PTPRM: variants seen among roughly 807,000 people sequenced by gnomAD.
The protein encoded by PTPRM is receptor-type tyrosine-protein phosphatase mu.
A neutral mutation model predicts 186.7 loss-of-function variants in PTPRM; 47 were observed. The ratio of observed to expected loss-of-function variants is 0.25; its 90% CI spans 0.20 to 0.32. The LOEUF (loss-of-function observed/expected upper bound fraction) is 0.32. PTPRM is among the 10% of genes least tolerant of loss of function. PTPRM has a pLI of 1.00. For synonymous variants in PTPRM, 668 were observed against 674.9 expected (o/e 0.99, Z 0.16); for missense variants, 1,494 against 1,865.0 (o/e 0.80, Z 3.66).
chr18:8,262,960 A>T (rs1351139943), intron 19 of PTPRM, among the ~76,000 whole-genome samples: 1 of 152,364 alleles, frequency 6.6e-6, no homozygotes, highest in South Asian at 2.1e-4. Flanking sequence ...ATCATCATAT[A>T]GGATCGGGTG....
chr18:8,246,664 T>G (rs989716425), intron 15 of PTPRM, among the ~76,000 whole-genome samples: 2 of 152,180 alleles, frequency 1.3e-5, no homozygotes, highest in African/African-American at 4.8e-5. Flanking sequence ...TTTCATCCAT[T>G]GTGCTCTTTT....
At chr18:8,287,975 A>T (rs1202244463) in intron 19 of PTPRM, among the ~76,000 whole-genome samples, 1 of 152,218 alleles carries the variant, frequency 6.6e-6, no homozygotes, top group Non-Finnish European at 1.5e-5. Flanking sequence ...AGGGCACTGC[A>T]GTGAGAACAG....
chr18:8,259,612 A>T (rs887682678), intron 19 of PTPRM, among the ~76,000 whole-genome samples: 2 of 151,872 alleles, frequency 1.3e-5, no homozygotes, highest in Non-Finnish European at 2.9e-5. Context: ...TTAAGAAAAA[A>T]TTATTATTAA....
chr18:8,296,864 G>T lies in PTPRM; in HGVS notation c.2842+409G>T, dbSNP rs529069476. On this transcript the variant is annotated intron_variant, in intron 20 of 32. Coordinates refer to ENST00000580170, the MANE Select transcript of PTPRM (RefSeq NM_001105244.2). ...TAACTCATTAATCCTGTGGACACTG[G>T]GTTAGGTAGGTCAGTAATAGCCCCA... 2.6e-5 allele frequency among the ~76,000 whole-genome samples: 4 copies of T among 152,246 alleles called. No individual in the cohort carries two copies. The South Asian group carries it at 8.3e-4, about 32-fold the overall frequency.
intron 22 of PTPRM, among the ~76,000 whole-genome samples, chr18:8,320,010 A>G (rs1410653189): frequency 6.6e-6 from 1 of 152,164 alleles, no homozygotes; most frequent in Non-Finnish European, 1.5e-5. Flanking sequence ...AGAATGAGGC[A>G]TCCTAAAGGA....
chr18:8,155,309 T>A (rs2093098285), intron 14 of PTPRM, among the ~76,000 whole-genome samples: 1 of 152,226 alleles, frequency 6.6e-6, no homozygotes, highest in African/African-American at 2.4e-5. Flanking sequence ...CTATAGATCT[T>A]TCAGGAATTT....
At chr18:8,302,314 G>A (rs1348098006) in intron 20 of PTPRM, among the ~76,000 whole-genome samples, 2 of 152,118 alleles carry the variant, frequency 1.3e-5, no homozygotes, top group Non-Finnish European at 1.5e-5. Context: ...AACAGACCCT[G>A]TCATGCCGGG....
intron 22 of PTPRM, among the ~76,000 whole-genome samples, chr18:8,324,842 A>G (rs1255613483): frequency 1.3e-5 from 2 of 152,230 alleles, no homozygotes; most frequent in African/African-American, 4.8e-5. Context: ...GAACTCCAGC[A>G]TCAAGGCTCC....
At chr18:7,781,985 G>T (rs1292972873) in intron 2 of PTPRM, among the ~76,000 whole-genome samples, 2 of 152,152 alleles carry the variant, frequency 1.3e-5, no homozygotes, top group Non-Finnish European at 2.9e-5. Flanking sequence ...GACCACCTTG[G>T]TGAGGCTTAG....
intron 1 of PTPRM, among the ~76,000 whole-genome samples, chr18:7,649,805 C>T (rs898493460): frequency 6.6e-6 from 1 of 151,978 alleles, no homozygotes; most frequent in African/African-American, 2.4e-5. Context: ...GCAGCCATTA[C>T]CCTCATCAGC....
intron 14 of PTPRM, among the ~76,000 whole-genome samples, chr18:8,178,394 G>T (rs2146544871): frequency 6.6e-6 from 1 of 152,250 alleles, no homozygotes; most frequent in South Asian, 2.1e-4. Flanking sequence ...GGACTGATTT[G>T]TTTGCAAAAT....
At chr18:7,686,157 T>A (rs563597195) in intron 1 of PTPRM, among the ~76,000 whole-genome samples, 1 of 152,236 alleles carries the variant, frequency 6.6e-6, no homozygotes, top group East Asian at 1.9e-4. Flanking sequence ...CCAGAGTCCT[T>A]TGGAGAAAGG....
intron 23 of PTPRM, among the ~76,000 whole-genome samples, chr18:8,355,100 C>G (rs944930326): frequency 4.6e-5 from 7 of 152,172 alleles, no homozygotes; most frequent in Admixed American, 4.6e-4. Context: ...TGCATTCACA[C>G]CACTCAATGT....
At chr18:7,569,396 C>T (rs73941929) in intron 1 of PTPRM, among the ~76,000 whole-genome samples, 3,598 of 152,270 alleles carry the variant, frequency 0.024, 142 homozygotes, top group African/African-American at 0.082. Flanking sequence ...GGTAATTGCA[C>T]GTGCTCCAGA....
At chr18:8,345,297 A>C (rs2095499258) in intron 23 of PTPRM, among the ~76,000 whole-genome samples, 1 of 152,234 alleles carries the variant, frequency 6.6e-6, no homozygotes, top group Non-Finnish European at 1.5e-5. Context: ...CACAGAAGCA[A>C]TAACAAAGTT....
intron 8 of PTPRM, among the ~76,000 whole-genome samples, chr18:8,075,068 A>G (rs2089722243): frequency 6.6e-6 from 1 of 152,162 alleles, no homozygotes; most frequent in South Asian, 2.1e-4. Context: ...TTTAATTGTT[A>G]TATATGGTGT....
At chr18:7,768,725 C>T (rs1326059424) in intron 1 of PTPRM, among the ~76,000 whole-genome samples, 2 of 151,360 alleles carry the variant, frequency 1.3e-5, no homozygotes, top group Non-Finnish European at 2.9e-5. Flanking sequence ...TGGCTCACTG[C>T]AACCTCCACC....
chr18:7,949,252 T>C lies in PTPRM; in HGVS notation c.735T>C (p.Phe245=). The stretch of plus-strand genomic sequence containing the variant: ...GCTCCCGACGCTTCATTGCTTCATT[T>C]AATGTTGTGAATACCACCAAACGAG... ...VTSSRRFIAS[F]NVVNTTKRDA... is the part of the protein sequence containing the mutation. The change falls in exon 6 of 33, where the codon TTT becomes TTC. Residue 245 remains phenylalanine, a synonymous_variant. Coordinates refer to ENST00000580170, the MANE Select transcript of PTPRM (RefSeq NM_001105244.2). The C allele has an allele frequency of 6.2e-7, 1 of 1,613,014 alleles. No homozygotes were observed. The highest frequency in any genetic ancestry group is 8.5e-7 in the Non-Finnish European group (1 of 1,178,916).
intron 13 of PTPRM, among the ~76,000 whole-genome samples, chr18:8,140,244 G>A (rs2092732847): frequency 6.6e-6 from 1 of 152,034 alleles, no homozygotes; most frequent in Non-Finnish European, 1.5e-5. Flanking sequence ...GATCTTCTGG[G>A]AAAATTTGTG....
Sources: gnomAD v4.1 joint callset for allele counts (sites outside exome capture counted in the v4.1 genomes callset) on GRCh38, gnomAD v4.1.1 for gene constraint, MANE v1.5 for transcripts, NCBI Gene and HGNC (gene_info 2026-07-23, HGNC 2026-07-21) for gene names.